STXBP5L: variants seen among roughly 807,000 people sequenced by gnomAD.
STXBP5L encodes syntaxin binding protein 5L.
A neutral mutation model predicts 144.5 loss-of-function variants in STXBP5L; 65 were observed. The observed-to-expected ratio is 0.45, with a 90% CI of 0.37 to 0.55. The LOEUF (loss-of-function observed/expected upper bound fraction) is 0.55, where lower values mean the gene tolerates loss of function less well. Ranked by LOEUF, STXBP5L falls within the 20% of genes least tolerant of loss-of-function variation. The pLI is 0.00. For missense variants in STXBP5L, 1,298 were observed against 1,405.5 expected (o/e 0.92, Z 1.22); for synonymous variants, 505 against 469.6 (o/e 1.08, Z -0.97).
intron 20 of STXBP5L, among the ~76,000 whole-genome samples, chr3:121,371,569 G>T (rs1020765815): frequency 6.6e-6 from 1 of 152,264 alleles, no homozygotes; most frequent in Non-Finnish European, 1.5e-5. Context: ...AGGTACCAGA[G>T]TGCCAGCCTT....
In STXBP5L at chr3:121,205,842, A is replaced by T. The variant is rs187192021; in HGVS notation, c.878-81A>T. 7 of 673,506 alleles carry T rather than the reference A, an allele frequency of 1.0e-5. No individual in the cohort carries two copies. The Admixed American group carries it at 2.6e-4, about 25-fold the overall frequency. 41.7% of individuals were successfully genotyped at this position (673,506 alleles called of 1,614,324 possible). On this transcript the variant is annotated intron_variant, in intron 9 of 26. Coordinates refer to ENST00000471454, the MANE Select transcript of STXBP5L (RefSeq NM_001308330.2). The stretch of plus-strand genomic sequence containing the variant: ...TTAACATTATTATTCCTTTATCTTT[A>T]AATTCCCTTAGTCAAATTTTTTAAT...
At position 121,007,261 on chromosome 3, in the gene STXBP5L, T is replaced by C. The variant is rs187825538; in HGVS notation, c.288-34439T>C. ...CCCCTTGATTATGATACATTATCTA[T>C]CTTATATATTGTTCTTTTTGATCAC... On this transcript the variant is annotated intron_variant, in intron 3 of 26. Transcript: ENST00000471454. Among the ~76,000 whole-genome samples, 66 of 152,206 alleles carry C rather than the reference T, an allele frequency of 4.3e-4. 1 individual carries two copies. Among genetic ancestry groups the C allele is most frequent in the Admixed American group, 1.1e-3 (17 of 15,256 alleles).
chr3:120,982,479 C>A (rs570750613), intron 3 of STXBP5L, among the ~76,000 whole-genome samples: 2 of 152,184 alleles, frequency 1.3e-5, no homozygotes. Context: ...GGAATGCAAT[C>A]CATTTCCCTG....
chr3:121,068,888 C>T (rs1407075501), intron 5 of STXBP5L, among the ~76,000 whole-genome samples: 1 of 151,998 alleles, frequency 6.6e-6, no homozygotes, highest in African/African-American at 2.4e-5. Context: ...TATTATTTCA[C>T]TTTTTAAAAT....
chr3:121,144,798 A>G (rs985831709), intron 7 of STXBP5L, among the ~76,000 whole-genome samples: 1 of 151,952 alleles, frequency 6.6e-6, no homozygotes, highest in Non-Finnish European at 1.5e-5. Flanking sequence ...TACACGTGGT[A>G]TTTCTACAAT....
intron 3 of STXBP5L, among the ~76,000 whole-genome samples, chr3:121,020,206 T>C (rs1945445937): frequency 6.6e-6 from 1 of 152,088 alleles, no homozygotes; most frequent in Non-Finnish European, 1.5e-5. Context: ...ACTTTTGATT[T>C]AATCCAATCC....
chr3:120,942,729 C>T (rs1161601757), intron 2 of STXBP5L, among the ~76,000 whole-genome samples: 1 of 151,152 alleles, frequency 6.6e-6, no homozygotes, highest in African/African-American at 2.4e-5. Flanking sequence ...TATTTATATG[C>T]ATTATTTCAA....
chr3:121,054,928 A>G (rs1948340399), intron 5 of STXBP5L, among the ~76,000 whole-genome samples: 1 of 152,022 alleles, frequency 6.6e-6, no homozygotes. Flanking sequence ...TCCCCTCACA[A>G]TTGGAATGTT....
rs982131416 is a variant in STXBP5L, at chr3:121,035,633, G to C, written c.288-6067G>C. ...GCTTTGTAGTGTAATGTGAGGCTGG[G>C]CAATGTTATGTCTTCAGCTTTGTTC... On this transcript the variant is annotated intron_variant, in intron 3 of 26. Transcript: ENST00000471454. Among the ~76,000 whole-genome samples, 9 of 152,212 alleles carry C rather than the reference G, an allele frequency of 5.9e-5. No homozygotes were observed. The East Asian group carries it at 1.7e-3, about 29-fold the overall frequency.
chr3:121,133,734 A>C (rs1024435489), intron 7 of STXBP5L, among the ~76,000 whole-genome samples: 15 of 152,330 alleles, frequency 9.8e-5, no homozygotes, highest in African/African-American at 3.6e-4. Flanking sequence ...ATTTATAAGC[A>C]AAAGAGATTT....
chr3:121,007,529 A>T (rs976634665), intron 3 of STXBP5L, among the ~76,000 whole-genome samples: 1 of 152,016 alleles, frequency 6.6e-6, no homozygotes. Flanking sequence ...TTTCTTGGAA[A>T]GTTTTAAACT....
chr3:121,004,861 T>C (rs1944132417), intron 3 of STXBP5L, among the ~76,000 whole-genome samples: 1 of 152,232 alleles, frequency 6.6e-6, no homozygotes, highest in Non-Finnish European at 1.5e-5. Context: ...GTTTATTGAT[T>C]TGCATATGTT....
intron 5 of STXBP5L, among the ~76,000 whole-genome samples, chr3:121,056,946 A>G (rs919103682): frequency 4.0e-5 from 6 of 150,752 alleles, no homozygotes; most frequent in African/African-American, 1.5e-4. Context: ...TCTTTATAAT[A>G]TATTATAAAG....
chr3:120,970,455 T>C (rs73858233), intron 3 of STXBP5L, among the ~76,000 whole-genome samples: 2,288 of 152,276 alleles, frequency 0.015, 65 homozygotes, highest in African/African-American at 0.052. Context: ...TACAGTATTT[T>C]TGGATGGCAA....
chr3:120,981,638 A>C (rs1444076263), intron 3 of STXBP5L, among the ~76,000 whole-genome samples: 3 of 152,142 alleles, frequency 2.0e-5, no homozygotes, highest in Admixed American at 1.3e-4. Flanking sequence ...GATCTTATTG[A>C]GCTTTCATAC....
At chr3:121,359,479 G>A (rs968095023) in intron 20 of STXBP5L, among the ~76,000 whole-genome samples, 2 of 152,012 alleles carry the variant, frequency 1.3e-5, no homozygotes, top group African/African-American at 2.4e-5. Context: ...ATTTGTTCAT[G>A]TTTGCTTTGG....
intron 20 of STXBP5L, among the ~76,000 whole-genome samples, chr3:121,372,591 C>T (rs2046065134): frequency 6.6e-6 from 1 of 152,156 alleles, no homozygotes. Flanking sequence ...TCATTGGGGT[C>T]AGGGAACAAG....
At chr3:121,252,925 T>C (rs2050073818) in intron 15 of STXBP5L, among the ~76,000 whole-genome samples, 1 of 152,138 alleles carries the variant, frequency 6.6e-6, no homozygotes, top group African/African-American at 2.4e-5. Flanking sequence ...TCTTGCACAT[T>C]CAGAGCTCAT....
intron 19 of STXBP5L, among the ~76,000 whole-genome samples, chr3:121,295,986 G>A (rs1192584496): frequency 1.3e-5 from 2 of 152,068 alleles, no homozygotes; most frequent in African/African-American, 4.8e-5. Context: ...TACCAAGTAA[G>A]CTACATCACA....
Sources: gnomAD v4.1 joint callset for allele counts (sites outside exome capture counted in the v4.1 genomes callset) on GRCh38, gnomAD v4.1.1 for gene constraint, MANE v1.5 for transcripts, NCBI Gene and HGNC (gene_info 2026-07-23, HGNC 2026-07-21) for gene names.